Variants in C13orf46 observed in about 807,000 individuals in gnomAD.
C13orf46 encodes the protein chromosome 13 open reading frame 46, also known as uncharacterized protein C13orf46.
chr13:113,972,346 A>T (rs997599044), intron 1 of C13orf46, among the ~76,000 whole-genome samples: 1 of 152,168 alleles, frequency 6.6e-6, no homozygotes, highest in Admixed American at 6.5e-5. Flanking sequence ...TGGATTTTTA[A>T]ACTCAGAGAA....
intron 6 of C13orf46, among the ~76,000 whole-genome samples, chr13:113,963,721 T>C (rs985798489): frequency 7.0e-6 from 1 of 143,664 alleles, no homozygotes; most frequent in African/African-American, 2.5e-5. Flanking sequence ...CTGTCCTCAG[T>C]GTCGAAAGTC....
intron 2 of C13orf46, among the ~76,000 whole-genome samples, chr13:113,969,302 C>T (rs998094615): frequency 1.3e-3 from 195 of 152,352 alleles, no homozygotes; most frequent in Non-Finnish European, 2.1e-3. Flanking sequence ...TTGACTTGGC[C>T]GAGGGTATTG....
intron 6 of C13orf46, among the ~76,000 whole-genome samples, chr13:113,957,722 G>A (rs1373049292): frequency 1.4e-5 from 2 of 138,762 alleles, no homozygotes; most frequent in Non-Finnish European, 3.1e-5. Flanking sequence ...GCACACTGGG[G>A]GTCTCCCCTG....
downstream of C13orf46, among the ~76,000 whole-genome samples, chr13:113,953,077 G>C (rs1014644224): frequency 7.3e-3 from 1,112 of 152,336 alleles, 10 homozygotes; most frequent in African/African-American, 0.022. Context: ...GCTGACTGCC[G>C]CTGCCAGGAC....
rs903173609 is a variant in C13orf46 at position 113,955,869 on chromosome 13, G to C, written c.*904C>G. 3 of 159,252 alleles carry C rather than the reference G, an allele frequency of 1.9e-5. No individual in the cohort carries two copies. Among genetic ancestry groups the C allele is most frequent in the African/African-American group, 7.5e-5 (3 of 39,780 alleles). The allele number at this position is 159,252 out of a possible 1,614,324, so 9.9% of individuals were successfully genotyped here. A position where few individuals can be genotyped will look rare whatever the true frequency, so the allele number is the denominator to read the frequency against. The stretch of plus-strand genomic sequence containing the variant: ...TCGAGGAGAGGAGGAGCATCTCGAG[G>C]AGAGGAGGAGCATCCGGTGGAGAGG... On this transcript the variant is annotated 3_prime_UTR_variant, in exon 7 of 7. Transcript: ENST00000636427.
intron 1 of C13orf46, among the ~76,000 whole-genome samples, chr13:113,973,049 C>A (rs1474273062): frequency 6.6e-6 from 1 of 152,208 alleles, no homozygotes; most frequent in East Asian, 1.9e-4. Flanking sequence ...CCGGCCCGGT[C>A]CCTGCTGCCG....
At chr13:113,949,680 C>T (rs2052481544), downstream of C13orf46, among the ~76,000 whole-genome samples, 1 of 152,250 alleles carries the variant, frequency 6.6e-6, no homozygotes, top group South Asian at 2.1e-4. Context: ...GATGCCCCGA[C>T]AAGCTGTGCT....
the C13orf46 span, among the ~76,000 whole-genome samples, chr13:113,936,897 G>A: frequency 6.6e-6 from 1 of 151,926 alleles, no homozygotes; most frequent in South Asian, 2.1e-4. Flanking sequence ...GTTATCTGCG[G>A]GAGTAGTTGG....
intron 6 of C13orf46, among the ~76,000 whole-genome samples, chr13:113,959,737 T>C (rs2052572642): frequency 6.6e-6 from 1 of 152,248 alleles, no homozygotes. Flanking sequence ...CAATCTGCGA[T>C]GATAGAGTTA....
At chr13:113,965,789 T>C (rs2052633608) in intron 5 of C13orf46, among the ~76,000 whole-genome samples, 1 of 145,388 alleles carries the variant, frequency 6.9e-6, no homozygotes, top group African/African-American at 2.8e-5. Flanking sequence ...ATGATGGTAA[T>C]TATAATGGTG....
At chr13:113,937,510 G>A in the C13orf46 span, among the ~76,000 whole-genome samples, 12 of 152,260 alleles carry the variant, frequency 7.9e-5, no homozygotes, top group South Asian at 2.1e-4. Flanking sequence ...TCTCAGTAGC[G>A]TTGTAAACCA....
At chr13:113,970,961 GC>G (rs1021887102) in intron 1 of C13orf46, among the ~76,000 whole-genome samples, 3 of 152,168 alleles carry the variant, frequency 2.0e-5, no homozygotes, top group African/African-American at 4.8e-5. Context: ...GACTGACTTG[GC>G]CAACGTGAAA....
the C13orf46 span, among the ~76,000 whole-genome samples, chr13:113,936,909 A>T: frequency 6.6e-6 from 1 of 151,904 alleles, no homozygotes; most frequent in Non-Finnish European, 1.5e-5. Context: ...AGTAGTTGGG[A>T]AGTTGCATAT....
chr13:113,954,822 CGGTGG>C lies in C13orf46; in HGVS notation c.*1946_*1950del, dbSNP rs2052507813. On this transcript the variant is annotated 3_prime_UTR_variant, in exon 7 of 7. Transcript: ENST00000636427. ...GCAGCTGGTGGAGACGAGGAGCATCCGGTGGAGATGAGGAGCATCCGGTGGAGATG... is the reference window on the plus strand; with the variant it reads ...GCAGCTGGTGGAGACGAGGAGCATCCAGATGAGGAGCATCCGGTGGAGATG... The C allele has an allele frequency of 5.0e-4, 68 of 135,718 alleles. No homozygotes were observed. Among genetic ancestry groups the C allele is most frequent in the Non-Finnish European group, 8.9e-4 (56 of 63,028 alleles). The allele number at this position is 135,718 out of a possible 1,614,324, so 8.4% of individuals were successfully genotyped here. A position where few individuals can be genotyped will look rare whatever the true frequency, so the allele number is the denominator to read the frequency against.
the C13orf46 span, among the ~76,000 whole-genome samples, chr13:113,943,793 G>A: frequency 6.6e-6 from 1 of 152,200 alleles, no homozygotes; most frequent in African/African-American, 2.4e-5. Flanking sequence ...GAAGGCAGCA[G>A]GGCCTGTGGC....
At chr13:113,953,559 C>G (rs1364452279), downstream of C13orf46, 1 of 152,324 alleles carries the variant, frequency 6.6e-6, no homozygotes, top group Non-Finnish European at 1.5e-5. Flanking sequence ...GCGTCTGACT[C>G]TGGAAGGCTC....
chr13:113,959,188 C>G (rs1278931146), intron 6 of C13orf46, among the ~76,000 whole-genome samples: 1 of 152,172 alleles, frequency 6.6e-6, no homozygotes, highest in African/African-American at 2.4e-5. Flanking sequence ...AGGAGAATCA[C>G]TTGAGCCCAG....
chr13:113,943,014 C>T, the C13orf46 span, among the ~76,000 whole-genome samples: 2 of 152,214 alleles, frequency 1.3e-5, no homozygotes, highest in Admixed American at 1.3e-4. Context: ...GGAGCGCTGG[C>T]CCCTCGGGTC....
chr13:113,938,945 G>A, the C13orf46 span, among the ~76,000 whole-genome samples: 8 of 152,062 alleles, frequency 5.3e-5, no homozygotes, highest in Admixed American at 5.2e-4. Flanking sequence ...GCACACCACA[G>A]CACCTGCGGC....
Sources: allele counts gnomAD v4.1 joint callset (sites outside exome capture counted in the v4.1 genomes callset), GRCh38; gene constraint gnomAD v4.1.1; transcripts MANE v1.5; gene names NCBI Gene and HGNC (gene_info 2026-07-23, HGNC 2026-07-21).